Variants in GAN observed in about 807,000 individuals in gnomAD.
The protein encoded by GAN is epididymis secretory sperm binding protein.
Under a neutral mutation model 71.3 loss-of-function variants are expected in GAN, and 48 were observed. The ratio of observed to expected loss-of-function variants is 0.67; its 90% CI spans 0.53 to 0.86. The LOEUF (loss-of-function observed/expected upper bound fraction) is 0.86. Among genes scored for constraint, GAN ranks in the 40% least tolerant of loss-of-function variants. GAN has a pLI of 0.00. For missense variants in GAN, 928 were observed against 770.1 expected (o/e 1.21, Z -2.43); for synonymous variants, 386 against 276.8 (o/e 1.39, Z -3.92).
At chr16:81,344,522 C>G (rs1430396166) in intron 1 of GAN, among the ~76,000 whole-genome samples, 1 of 152,164 alleles carries the variant, frequency 6.6e-6, no homozygotes, top group Non-Finnish European at 1.5e-5. Flanking sequence ...GAAAGATTCC[C>G]TATTTAATAA....
In GAN at chr16:81,383,970, A is replaced by T. The variant is rs1396682052; in HGVS notation, c.*6374A>T. The T allele has an allele frequency of 2.0e-5, 3 of 152,010 alleles. No individual in the cohort carries two copies. The highest frequency in any genetic ancestry group is 4.4e-5 in the Non-Finnish European group (3 of 68,010). 9.4% of individuals were successfully genotyped at this position (152,010 alleles called of 1,614,324 possible). On this transcript the variant is annotated 3_prime_UTR_variant, in exon 11 of 11. Coordinates refer to ENST00000648994, the MANE Select transcript of GAN (RefSeq NM_022041.4). ...TGGGTACCTTATTTTTATTGTTTTTACTCATCAGTTATGAATAAGGCATAC... is the reference window on the plus strand; with the variant it reads ...TGGGTACCTTATTTTTATTGTTTTTTCTCATCAGTTATGAATAAGGCATAC...
At chr16:81,327,888 T>C (rs1201038936) in intron 1 of GAN, among the ~76,000 whole-genome samples, 1 of 152,172 alleles carries the variant, frequency 6.6e-6, no homozygotes, top group African/African-American at 2.4e-5. Context: ...CGAAATAGAA[T>C]AGCAAAGTAG....
chr16:81,318,969 T>C (rs1909135554), intron 1 of GAN, among the ~76,000 whole-genome samples: 1 of 152,094 alleles, frequency 6.6e-6, no homozygotes, highest in Non-Finnish European at 1.5e-5. Context: ...TTTTCCTCCT[T>C]TTGGTTCCTG....
chr16:81,335,239 C>T (rs1909716307), intron 1 of GAN, among the ~76,000 whole-genome samples: 2 of 152,068 alleles, frequency 1.3e-5, no homozygotes, highest in Non-Finnish European at 2.9e-5. Context: ...ATTTAATTGG[C>T]CCAGTTTGGA....
At position 81,354,272 on chromosome 16, in the gene GAN, T is replaced by C; in HGVS notation, c.283-133T>C. The C allele has an allele frequency of 1.8e-5, 12 of 676,138 alleles. No homozygotes were observed. In the South Asian group the frequency reaches 2.1e-4, roughly 12 times the overall value. 41.9% of individuals were successfully genotyped at this position (676,138 alleles called of 1,614,324 possible). A position where few individuals can be genotyped will look rare whatever the true frequency, so the allele number is the denominator to read the frequency against. On this transcript the variant is annotated intron_variant, in intron 2 of 10. Coordinates refer to ENST00000648994, the MANE Select transcript of GAN (RefSeq NM_022041.4). ...AAAAAAAAAATGCTGGGTTAAACCATATGAAATTGCCAATATTCGATTATC... is the reference window on the plus strand; with the variant it reads ...AAAAAAAAAATGCTGGGTTAAACCACATGAAATTGCCAATATTCGATTATC...
chr16:81,321,004 C>G (rs1270662731), intron 1 of GAN, among the ~76,000 whole-genome samples: 1 of 151,746 alleles, frequency 6.6e-6, no homozygotes, highest in Non-Finnish European at 1.5e-5. Context: ...TAACTATGTT[C>G]AGTTTCAGAA....
intron 6 of GAN, among the ~76,000 whole-genome samples, chr16:81,363,315 A>T (rs1185837729): frequency 6.6e-6 from 1 of 152,186 alleles, no homozygotes; most frequent in East Asian, 1.9e-4. Flanking sequence ...GGATTTTCTG[A>T]TGAACTCACC....
chr16:81,316,270 A>G (rs1023854638), intron 1 of GAN, among the ~76,000 whole-genome samples: 2 of 152,210 alleles, frequency 1.3e-5, no homozygotes, highest in African/African-American at 4.8e-5. Context: ...GTGGTAGAGA[A>G]TATCACTACA....
At chr16:81,376,425 G>T (rs1436874304) in intron 9 of GAN, among the ~76,000 whole-genome samples, 1 of 150,996 alleles carries the variant, frequency 6.6e-6, no homozygotes, top group African/African-American at 2.4e-5. Context: ...CTCAAGACCA[G>T]CCTGGGCAAC....
At chr16:81,330,395 C>G (rs1909536046) in intron 1 of GAN, among the ~76,000 whole-genome samples, 1 of 152,178 alleles carries the variant, frequency 6.6e-6, no homozygotes, top group South Asian at 2.1e-4. Context: ...GGCACAGGAG[C>G]CACCCAGAAG....
intron 5 of GAN, among the ~76,000 whole-genome samples, chr16:81,361,876 G>A (rs948226779): frequency 6.6e-6 from 1 of 152,128 alleles, no homozygotes; most frequent in Non-Finnish European, 1.5e-5. Context: ...ATTATTTTTT[G>A]TAGAGATGAA....
chr16:81,362,272 G>A (rs900617417), intron 5 of GAN, among the ~76,000 whole-genome samples: 1 of 152,156 alleles, frequency 6.6e-6, no homozygotes, highest in Non-Finnish European at 1.5e-5. Context: ...TTTCATTGTA[G>A]GGTGGTGGAA....
rs542143891 is a variant in GAN, at chr16:81,328,480, A to C, written c.167+13200A>C. ...AATGATGACACCATAAACAAATCAG[A>C]AAAAGAGTTTGGGTTCTTTTTGTAT... On this transcript the variant is annotated intron_variant, in intron 1 of 10. Transcript: ENST00000648994. 5.6e-4 allele frequency among the ~76,000 whole-genome samples: 85 copies of C among 152,334 alleles called. 1 individual carries two copies. Among genetic ancestry groups the C allele is most frequent in the African/African-American group, 1.9e-3 (79 of 41,578 alleles).
Position 81,362,627 on chromosome 16 carries a change from G to A in GAN, c.1086+16G>A. On this transcript the variant is annotated intron_variant, in intron 6 of 10. Coordinates refer to ENST00000648994, the MANE Select transcript of GAN (RefSeq NM_022041.4). ...TATGAACGAGGTAAAACACTAGTTG[G>A]TTGGTTTGTTTGATGTGTTTCTCTT... 1.6e-6 allele frequency: 2 copies of A among 1,266,484 alleles called. No homozygotes were observed. The highest frequency in any genetic ancestry group is 2.3e-5 in the East Asian group (1 of 43,386). 78.5% of individuals were successfully genotyped at this position (1,266,484 alleles called of 1,614,324 possible).
intron 1 of GAN, among the ~76,000 whole-genome samples, chr16:81,323,119 T>C (rs1478876063): frequency 6.6e-6 from 1 of 152,204 alleles, no homozygotes; most frequent in Non-Finnish European, 1.5e-5. Context: ...GTCCAGGGAA[T>C]AGTTTCCCAC....
intron 7 of GAN, among the ~76,000 whole-genome samples, chr16:81,364,162 T>G (rs1910770287): frequency 6.6e-6 from 1 of 152,198 alleles, no homozygotes; most frequent in Non-Finnish European, 1.5e-5. Context: ...GTGGGCCCTG[T>G]GCAGCACCGC....
At chr16:81,365,243 A>G (rs982874795) in intron 8 of GAN, 107 bp from the exon 9 acceptor site, 7 of 1,562,624 alleles carry the variant, frequency 4.5e-6, no homozygotes, top group South Asian at 1.1e-5. Flanking sequence ...TGAGAAAGGA[A>G]GGCCCACGTA....
At chr16:81,336,621 C>G (rs1277234497) in intron 1 of GAN, among the ~76,000 whole-genome samples, 1 of 144,170 alleles carries the variant, frequency 6.9e-6, no homozygotes, top group Admixed American at 7.2e-5. Flanking sequence ...GCACACCACC[C>G]CAGTTGGCTA....
Position 81,357,791 on chromosome 16 carries a change from C to A in GAN, c.852-19C>A. On this transcript the variant is annotated intron_variant, in intron 4 of 10. Coordinates refer to ENST00000648994, the MANE Select transcript of GAN (RefSeq NM_022041.4). ...TGTATGAAGCACATTAACTACTGAT[C>A]ACTTATTTACTTCCTTAGTTCACGG... 1 of 1,608,646 alleles carries A rather than the reference C, an allele frequency of 6.2e-7. No individual in the cohort carries two copies. Among genetic ancestry groups the A allele is most frequent in the Non-Finnish European group, 8.5e-7 (1 of 1,175,088 alleles).
Sources: allele counts gnomAD v4.1 joint callset (sites outside exome capture counted in the v4.1 genomes callset), GRCh38; gene constraint gnomAD v4.1.1; transcripts MANE v1.5; gene names NCBI Gene and HGNC (gene_info 2026-07-23, HGNC 2026-07-21).